RCL1: variants seen among roughly 807,000 people sequenced by gnomAD.
RCL1 encodes RNA 3'-terminal phosphate cyclase-like protein.
RCL1 carries 24 observed loss-of-function variants against 42.4 expected under a neutral mutation model. The ratio of observed to expected loss-of-function variants is 0.57; its 90% CI spans 0.41 to 0.80. The LOEUF is 0.80. Ranked by LOEUF, RCL1 falls within the 30% of genes least tolerant of loss-of-function variation. RCL1 has a pLI of 0.00. For missense variants in RCL1, 578 were observed against 467.9 expected (o/e 1.24, Z -2.17); for synonymous variants, 228 against 177.3 (o/e 1.29, Z -2.27).
At chr9:4,856,984 G>T (rs775836572) in intron 8 of RCL1, among the ~76,000 whole-genome samples, 1 of 152,198 alleles carries the variant, frequency 6.6e-6, no homozygotes, top group Non-Finnish European at 1.5e-5. Context: ...ATTCATCAAG[G>T]CAGGCTTTAT....
chr9:4,815,969 C>T (rs571155737), intron 1 of RCL1, among the ~76,000 whole-genome samples: 1 of 152,234 alleles, frequency 6.6e-6, no homozygotes, highest in South Asian at 2.1e-4. Flanking sequence ...TTTCCTTCTG[C>T]TCTCTCTGTG....
chr9:4,844,971 G>GGT (rs1817463398), intron 7 of RCL1, among the ~76,000 whole-genome samples: 1 of 152,204 alleles, frequency 6.6e-6, no homozygotes, highest in Non-Finnish European at 1.5e-5. Context: ...AAAGGAAGCA[G>GGT]GTAAGGTAAG....
At chr9:4,847,400 C>T (rs1287783091) in intron 7 of RCL1, among the ~76,000 whole-genome samples, 1 of 152,082 alleles carries the variant, frequency 6.6e-6, no homozygotes, top group Admixed American at 6.5e-5. Flanking sequence ...TTTGAAGGTG[C>T]TATTTATCAA....
chr9:4,840,380 A>G (rs10974808), intron 5 of RCL1, among the ~76,000 whole-genome samples: 13,390 of 151,746 alleles, frequency 0.088, 829 homozygotes, highest in Non-Finnish European at 0.13. Context: ...TTGACCATAC[A>G]TTGCACATTG....
intron 1 of RCL1, among the ~76,000 whole-genome samples, chr9:4,807,749 C>T (rs1335297973): frequency 1.3e-5 from 2 of 152,168 alleles, no homozygotes; most frequent in African/African-American, 2.4e-5. Context: ...AAACTCCTGA[C>T]CTCAGGTGAT....
At chr9:4,832,942 T>G (rs1349511987) in intron 3 of RCL1, among the ~76,000 whole-genome samples, 2 of 151,434 alleles carry the variant, frequency 1.3e-5, no homozygotes, top group Admixed American at 1.3e-4. Context: ...ATGTCATGAA[T>G]GAGGAAAGTG....
chr9:4,852,705 G>A (rs1479239175), intron 8 of RCL1, among the ~76,000 whole-genome samples: 1 of 152,064 alleles, frequency 6.6e-6, no homozygotes, highest in Non-Finnish European at 1.5e-5. Flanking sequence ...GTCAGTGCTG[G>A]GTGCTGTGGT....
At position 4,813,675 on chromosome 9, in the gene RCL1, A is replaced by G. The variant is rs574513441; in HGVS notation, c.137-9873A>G. On this transcript the variant is annotated intron_variant, in intron 1 of 8. Transcript: ENST00000381750. ...ACTAGAAATACCATTTGACCCAGCC[A>G]TCCCATTACTGGGTATATACCCAAA... Among the ~76,000 whole-genome samples the G allele has an allele frequency of 1.1e-4, 17 of 152,342 alleles. No homozygotes were observed. In the Middle Eastern group the frequency reaches 0.01, roughly 91 times the overall value.
intron 1 of RCL1, among the ~76,000 whole-genome samples, chr9:4,803,078 C>T (rs1034280600): frequency 6.6e-6 from 1 of 151,576 alleles, no homozygotes; most frequent in Non-Finnish European, 1.5e-5. Flanking sequence ...AACTCCTGGG[C>T]TCAAGCAGTC....
intron 1 of RCL1, among the ~76,000 whole-genome samples, chr9:4,806,829 T>A (rs1273347682): frequency 1.3e-5 from 2 of 152,214 alleles, no homozygotes; most frequent in East Asian, 3.8e-4. Context: ...TGTGTAGAAT[T>A]GTTTTTAATT....
At chr9:4,815,863 C>T (rs116236855) in intron 1 of RCL1, among the ~76,000 whole-genome samples, 1,529 of 152,120 alleles carry the variant, frequency 0.01, 27 homozygotes, top group African/African-American at 0.035. Context: ...TGATAGGGAT[C>T]GCTAGGATCC....
intron 8 of RCL1, among the ~76,000 whole-genome samples, chr9:4,853,672 T>G (rs913931570): frequency 6.6e-6 from 1 of 152,202 alleles, no homozygotes. Flanking sequence ...ATCGCTGGAC[T>G]CCAAGCACCT....
chr9:4,859,104 G>C (rs1257292733), intron 8 of RCL1, among the ~76,000 whole-genome samples: 1 of 152,126 alleles, frequency 6.6e-6, no homozygotes, highest in African/African-American at 2.4e-5. Flanking sequence ...TTATGGTCAG[G>C]CTAGCTGGGG....
At chr9:4,831,564 A>C (rs1350171203) in intron 3 of RCL1, among the ~76,000 whole-genome samples, 2 of 152,156 alleles carry the variant, frequency 1.3e-5, no homozygotes, top group African/African-American at 4.8e-5. Flanking sequence ...AAAGCCTTGA[A>C]GTCCTGGGCT....
chr9:4,859,122 A>G lies in RCL1; in HGVS notation c.972-1003A>G, dbSNP rs577709914. Among the ~76,000 whole-genome samples, 9 of 152,324 alleles carry G rather than the reference A, an allele frequency of 5.9e-5. No homozygotes were observed. In the East Asian group the frequency reaches 1.7e-3, roughly 29 times the overall value. ...TGGTCAGGCTAGCTGGGGTGACGCT[A>G]GGTCTGCCAGGCGAGACCATTAGAA... On this transcript the variant is annotated intron_variant, in intron 8 of 8. Coordinates refer to ENST00000381750, the MANE Select transcript of RCL1 (RefSeq NM_005772.5).
chr9:4,801,150 A>G (rs1842993948), intron 1 of RCL1, among the ~76,000 whole-genome samples: 1 of 152,064 alleles, frequency 6.6e-6, no homozygotes, highest in African/African-American at 2.4e-5. Context: ...GTCCATTTCT[A>G]ATAGGATTGT....
At chr9:4,855,911 C>CT in intron 8 of RCL1, among the ~76,000 whole-genome samples, 1 of 152,300 alleles carries the variant, frequency 6.6e-6, no homozygotes, top group South Asian at 2.1e-4. Flanking sequence ...CCATCCTTCT[C>CT]CAAGAGATCA....
intron 7 of RCL1, among the ~76,000 whole-genome samples, chr9:4,849,021 C>T (rs1817618350): frequency 6.6e-6 from 1 of 151,784 alleles, no homozygotes; most frequent in African/African-American, 2.4e-5. Context: ...TGTTCTGTGA[C>T]AGATTCAATA....
At chr9:4,848,188 C>T (rs1321625874) in intron 7 of RCL1, among the ~76,000 whole-genome samples, 1 of 152,186 alleles carries the variant, frequency 6.6e-6, no homozygotes, top group Non-Finnish European at 1.5e-5. Context: ...TTCCATGGGT[C>T]AGGTTTTTCT....
Sources: gnomAD v4.1 joint callset for allele counts (sites outside exome capture counted in the v4.1 genomes callset) on GRCh38, gnomAD v4.1.1 for gene constraint, MANE v1.5 for transcripts, NCBI Gene and HGNC (gene_info 2026-07-23, HGNC 2026-07-21) for gene names.